SNX9: variants seen among roughly 807,000 people sequenced by gnomAD.
The protein encoded by SNX9 is sorting nexin-9.
Under a neutral mutation model 89.4 loss-of-function variants are expected in SNX9, and 44 were observed. The ratio of observed to expected loss-of-function variants is 0.49; its 90% CI spans 0.39 to 0.63. The LOEUF is 0.63. SNX9 is among the 30% of genes least tolerant of loss of function. SNX9 has a pLI of 0.00. For missense variants in SNX9, 578 were observed against 736.1 expected (o/e 0.79, Z 2.49); for synonymous variants, 236 against 247.8 (o/e 0.95, Z 0.45).
intron 1 of SNX9, among the ~76,000 whole-genome samples, chr6:157,833,939 A>G (rs1031417250): frequency 6.6e-6 from 1 of 152,136 alleles, no homozygotes; most frequent in Non-Finnish European, 1.5e-5. Context: ...ATTGCCAGAC[A>G]GCTGAGCAAG....
intron 1 of SNX9, among the ~76,000 whole-genome samples, chr6:157,848,501 G>C (rs1257795654): frequency 6.6e-6 from 1 of 152,216 alleles, no homozygotes; most frequent in Non-Finnish European, 1.5e-5. Flanking sequence ...TAAAGTATTG[G>C]CTTTTGGTTC....
intron 4 of SNX9, among the ~76,000 whole-genome samples, chr6:157,880,099 C>A (rs961434832): frequency 1.3e-5 from 2 of 152,188 alleles, no homozygotes; most frequent in African/African-American, 4.8e-5. Flanking sequence ...CTGTTTCACA[C>A]CCCGCCAGTC....
chr6:157,938,811 T>C (rs1276629039), intron 16 of SNX9, 64 bp downstream of exon 16: 2 of 1,248,172 alleles, frequency 1.6e-6, no homozygotes, highest in South Asian at 2.6e-5. Context: ...AAAGTTTCCC[T>C]TGATAGAGAG....
chr6:157,887,591 CTCTG>C (rs1782762716), intron 4 of SNX9, among the ~76,000 whole-genome samples: 1 of 152,174 alleles, frequency 6.6e-6, no homozygotes, highest in Middle Eastern at 3.2e-3. Flanking sequence ...TGTGGGCTTA[CTCTG>C]TCTGTCTCCC....
At chr6:157,869,397 T>C (rs1018611451) in intron 2 of SNX9, among the ~76,000 whole-genome samples, 32 of 152,156 alleles carry the variant, frequency 2.1e-4, no homozygotes, top group African/African-American at 7.5e-4. Context: ...ACTGACCACG[T>C]CCAGACTCAG....
intron 4 of SNX9, among the ~76,000 whole-genome samples, chr6:157,882,924 G>A (rs1228627423): frequency 6.6e-6 from 1 of 152,188 alleles, no homozygotes; most frequent in East Asian, 1.9e-4. Context: ...TGAGAGAATT[G>A]ATTCCAGTTT....
intron 12 of SNX9, among the ~76,000 whole-genome samples, chr6:157,931,279 C>T (rs1783806399): frequency 6.7e-6 from 1 of 150,286 alleles, no homozygotes; most frequent in Non-Finnish European, 1.5e-5. Context: ...TAACTGAGCT[C>T]GTGTAATTTG....
chr6:157,862,898 A>G (rs926946882), intron 1 of SNX9, among the ~76,000 whole-genome samples: 2 of 152,178 alleles, frequency 1.3e-5, no homozygotes, highest in Non-Finnish European at 2.9e-5. Context: ...GCAAGTGACA[A>G]GATGTGGACT....
chr6:157,871,660 T>C (rs1252150159), intron 2 of SNX9, among the ~76,000 whole-genome samples: 1 of 152,028 alleles, frequency 6.6e-6, no homozygotes, highest in Non-Finnish European at 1.5e-5. Context: ...ACATGTACCC[T>C]AGAACTTAAA....
intron 1 of SNX9, among the ~76,000 whole-genome samples, chr6:157,840,029 G>T (rs1465187612): frequency 6.6e-6 from 1 of 152,202 alleles, no homozygotes; most frequent in Non-Finnish European, 1.5e-5. Flanking sequence ...CTGGGAAGGT[G>T]ACACTCAGGT....
chr6:157,887,279 C>T (rs1277237076), intron 4 of SNX9, among the ~76,000 whole-genome samples: 1 of 152,198 alleles, frequency 6.6e-6, no homozygotes, highest in Admixed American at 6.5e-5. Context: ...GTACCCGATG[C>T]CCCGTGAATC....
chr6:157,930,711 TC>T (rs1783794332), intron 12 of SNX9, among the ~76,000 whole-genome samples: 1 of 151,698 alleles, frequency 6.6e-6, no homozygotes, highest in Non-Finnish European at 1.5e-5. Flanking sequence ...CCCCAAACCA[TC>T]CCCCCGACCC....
intron 7 of SNX9, among the ~76,000 whole-genome samples, chr6:157,907,808 G>C (rs1783249763): frequency 6.6e-6 from 1 of 152,224 alleles, no homozygotes; most frequent in Non-Finnish European, 1.5e-5. Flanking sequence ...CTCTAAAAGT[G>C]CAGTAACCTT....
chr6:157,921,286 T>C (rs1387677413), intron 9 of SNX9, among the ~76,000 whole-genome samples: 2 of 152,202 alleles, frequency 1.3e-5, no homozygotes, highest in Non-Finnish European at 2.9e-5. Context: ...TCACAATATG[T>C]GAATATGTTA....
At chr6:157,940,388 C>G (rs1784013137) in intron 16 of SNX9, among the ~76,000 whole-genome samples, 1 of 152,196 alleles carries the variant, frequency 6.6e-6, no homozygotes, top group South Asian at 2.1e-4. Context: ...CATTCATTTA[C>G]TGGAAAGTAA....
chr6:157,915,623 T>TAAAAAAAAAAAAAA (rs1172699831), intron 9 of SNX9, among the ~76,000 whole-genome samples: 11 of 71,246 alleles, frequency 1.5e-4, no homozygotes, highest in East Asian at 2.8e-4. Context: ...CCATCTCTAC[T>TAAAAAAAAAAAAAA]AAAAAAAAAA....
chr6:157,858,087 C>G (rs544874823), intron 1 of SNX9, among the ~76,000 whole-genome samples: 2 of 152,150 alleles, frequency 1.3e-5, no homozygotes, highest in African/African-American at 4.8e-5. Flanking sequence ...ACTAACCCAG[C>G]CAGGTTCAGT....
At chr6:157,877,704 C>T (rs527545236) in intron 4 of SNX9, among the ~76,000 whole-genome samples, 2 of 152,202 alleles carry the variant, frequency 1.3e-5, no homozygotes, top group African/African-American at 2.4e-5. Flanking sequence ...AGAGCGGGAA[C>T]CTCAGAGAAG....
intron 4 of SNX9, among the ~76,000 whole-genome samples, chr6:157,893,608 T>TTGTGTGTGTGTG (rs3047741): frequency 5.6e-4 from 84 of 148,860 alleles, no homozygotes; most frequent in Non-Finnish European, 1.1e-3. Context: ...CTAGCACCAT[T>TTGTGTGTGTGTG]TGTGTGTGTG....
Sources: allele counts gnomAD v4.1 joint callset (sites outside exome capture counted in the v4.1 genomes callset), GRCh38; gene constraint gnomAD v4.1.1; transcripts MANE v1.5; gene names NCBI Gene and HGNC (gene_info 2026-07-23, HGNC 2026-07-21).